RRP12: variants seen among roughly 807,000 people sequenced by gnomAD.
RRP12 encodes ribosomal RNA processing 12 homolog.
In RRP12, 78 loss-of-function variants were observed where a neutral mutation model predicts 157.3. The ratio of observed to expected loss-of-function variants is 0.50; its 90% CI spans 0.41 to 0.60. The LOEUF is 0.60. RRP12 is among the 20% of genes least tolerant of loss of function. The pLI, the probability that RRP12 is intolerant of heterozygous loss-of-function variation, is 0.00. For synonymous variants in RRP12, 726 were observed against 670.9 expected (o/e 1.08, Z -1.27); for missense variants, 1,521 against 1,679.9 (o/e 0.91, Z 1.65).
At chr10:97,372,673 C>T (rs1453813316) in intron 19 of RRP12, 63 bp downstream of exon 19, 63 of 1,311,570 alleles carry the variant, frequency 4.8e-5, no homozygotes, top group Non-Finnish European at 6.4e-5. Context: ...AGTGCTTCTG[C>T]CAGATGCACC....
rs373627760 is a variant in RRP12 at position 97,388,464 on chromosome 10, C to A, written c.889+25G>T. On this transcript the variant is annotated intron_variant, in intron 7 of 33. Coordinates refer to ENST00000370992, the MANE Select transcript of RRP12 (RefSeq NM_015179.4). ...TCTGCCAGCCACTGCCTCCCATCCA[C>A]CTGCCCTCCATTTGGGTTCCCCACC... is the stretch of plus-strand genomic sequence containing the variant. 5.0e-6 allele frequency: 8 copies of A among 1,613,658 alleles called. No individual in the cohort carries two copies. The Admixed American group carries it at 1.3e-4, about 27-fold the overall frequency.
intron 30 of RRP12, among the ~76,000 whole-genome samples, chr10:97,362,703 G>C (rs1843876321): frequency 6.6e-6 from 1 of 152,216 alleles, no homozygotes; most frequent in Non-Finnish European, 1.5e-5. Context: ...GGGCATCCCA[G>C]AGGGGCTTCC....
intron 8 of RRP12, 111 bp downstream of exon 8, chr10:97,388,141 G>A (rs1230133216): frequency 7.7e-6 from 11 of 1,436,316 alleles, no homozygotes; most frequent in Non-Finnish European, 1.1e-5. Context: ...TTTAGCTTAA[G>A]AACACAGTCA....
At chr10:97,378,491 A>G (rs1274926145) in intron 15 of RRP12, among the ~76,000 whole-genome samples, 2 of 152,324 alleles carry the variant, frequency 1.3e-5, no homozygotes, top group East Asian at 3.9e-4. Flanking sequence ...TTATCATCTT[A>G]TGAGACCACC....
chr10:97,389,370 G>C (rs1844736759), intron 6 of RRP12, among the ~76,000 whole-genome samples: 1 of 152,084 alleles, frequency 6.6e-6, no homozygotes, highest in Admixed American at 6.6e-5. Flanking sequence ...TGGGATTACA[G>C]CCGTGAGCCA....
At position 97,379,268 on chromosome 10, in the gene RRP12, A is replaced by C. The variant is rs112682990; in HGVS notation, c.1798+25T>G. ...CCAGGACTGTGGGGAGCCTCAGGTCACACACAGGCAAGGGTCTCTCCTACC... is the reference window on the plus strand; with the variant it reads ...CCAGGACTGTGGGGAGCCTCAGGTCCCACACAGGCAAGGGTCTCTCCTACC... On this transcript the variant is annotated intron_variant, in intron 15 of 33. Transcript: ENST00000370992. 79 of 1,612,706 alleles carry C rather than the reference A, an allele frequency of 4.9e-5. No homozygotes were observed. The Middle Eastern group carries it at 5.0e-4, about 10-fold the overall frequency.
chr10:97,385,352 G>A, intron 9 of RRP12, 95 bp from the exon 10 acceptor site: 2 of 973,934 alleles, frequency 2.1e-6, no homozygotes, highest in Non-Finnish European at 3.2e-6. Context: ...CAATGTCCTG[G>A]GGACAGTGCT....
At position 97,400,467 on chromosome 10, in the gene RRP12, C is replaced by G; in HGVS notation, c.207G>C (p.Leu69Phe). Residue 69 changes from leucine (L) to phenylalanine (F), a missense_variant, in exon 2 of 34, where the codon TTG becomes TTC. By Grantham distance (22) the Leu-to-Phe change is conservative. Coordinates refer to ENST00000370992, the MANE Select transcript of RRP12 (RefSeq NM_015179.4). Reference sequence around the variant, plus strand: ...GCGTCTCCGGGGCTTCGCTTTTGCCCAAGCGCAAGGACCCTGACTGCAGCT... The same window carrying G: ...GCGTCTCCGGGGCTTCGCTTTTGCCGAAGCGCAAGGACCCTGACTGCAGCT... ...HNELQSGSLRLGKSEAPETPM... is the reference protein window; with the variant it reads ...HNELQSGSLRFGKSEAPETPM... 6.2e-7 allele frequency: 1 copy of G among 1,614,132 alleles called. No individual in the cohort carries two copies. The highest frequency in any genetic ancestry group is 1.1e-5 in the South Asian group (1 of 91,082).
chr10:97,368,030 CTTT>C (rs34307529), intron 25 of RRP12, among the ~76,000 whole-genome samples: 1 of 119,194 alleles, frequency 8.4e-6, no homozygotes, highest in Non-Finnish European at 1.7e-5. Flanking sequence ...CTGTGCCTGG[CTTT>C]TTTTTTTTTT....
intron 4 of RRP12, among the ~76,000 whole-genome samples, chr10:97,391,109 C>T (rs562414565): frequency 2.6e-5 from 4 of 152,194 alleles, no homozygotes; most frequent in Admixed American, 6.5e-5. Flanking sequence ...CAGTTCACAT[C>T]TCCAGAAAGC....
chr10:97,389,060 G>C (rs1844722341), intron 6 of RRP12, among the ~76,000 whole-genome samples: 1 of 152,162 alleles, frequency 6.6e-6, no homozygotes, highest in African/African-American at 2.4e-5. Context: ...AGGTTAAAAA[G>C]TACTTTGCAG....
intron 9 of RRP12, 49 bp from the exon 10 acceptor site, chr10:97,385,306 C>T: frequency 2.8e-6 from 4 of 1,412,232 alleles, no homozygotes; most frequent in Admixed American, 1.7e-5. Context: ...TCTGCAATAG[C>T]CCAGTGATGA....
chr10:97,374,676 G>A (rs564463357), intron 15 of RRP12, among the ~76,000 whole-genome samples: 101 of 151,370 alleles, frequency 6.7e-4, no homozygotes, highest in Non-Finnish European at 1.1e-3. Context: ...GGAGGCTGAG[G>A]CAGGAGAATG....
At position 97,366,868 on chromosome 10, in the gene RRP12, CTG is replaced by C. The variant is rs761196870; in HGVS notation, c.3087_3088del (p.His1029GlnfsTer10). The C allele has an allele frequency of 2.5e-6, 4 of 1,614,024 alleles. No homozygotes were observed. Among genetic ancestry groups the C allele is most frequent in the Non-Finnish European group, 3.4e-6 (4 of 1,180,030 alleles). ...AGCTTTCCGGATGTTGACCAGGACT[CTG>C]TGGTACTCCTCGGGCAACAGCCTTT... On this transcript the variant is annotated frameshift_variant, in exon 27 of 34. Coordinates refer to ENST00000370992, the MANE Select transcript of RRP12 (RefSeq NM_015179.4). LOFTEE classifies it high-confidence loss of function.
At chr10:97,374,805 T>C (rs967413909) in intron 15 of RRP12, among the ~76,000 whole-genome samples, 2 of 149,406 alleles carry the variant, frequency 1.3e-5, no homozygotes, top group Admixed American at 6.7e-5. Context: ...GGGAGGAATA[T>C]ACTATATATA....
At chr10:97,383,862 C>T (rs61861861) in intron 10 of RRP12, among the ~76,000 whole-genome samples, 36,767 of 152,082 alleles carry the variant, frequency 0.24, 4,728 homozygotes, top group South Asian at 0.34. Flanking sequence ...CAGGCCTCAA[C>T]CTGGGACGCA....
chr10:97,395,538 T>C (rs1010859319), intron 3 of RRP12, among the ~76,000 whole-genome samples: 8 of 138,622 alleles, frequency 5.8e-5, no homozygotes, highest in African/African-American at 2.2e-4. Flanking sequence ...GGCAACGGAG[T>C]GAGACTCTGT....
chr10:97,382,998 G>T (rs1245195671), intron 10 of RRP12, among the ~76,000 whole-genome samples: 1 of 152,174 alleles, frequency 6.6e-6, no homozygotes, highest in African/African-American at 2.4e-5. Flanking sequence ...CTGGCCTCAA[G>T]TGATCTGCCC....
chr10:97,363,541 GC>G (rs1215918142), intron 30 of RRP12, among the ~76,000 whole-genome samples: 1 of 152,202 alleles, frequency 6.6e-6, no homozygotes. Flanking sequence ...ACACAGCCAT[GC>G]TCCCCTACGG....
Sources: allele counts gnomAD v4.1 joint callset (sites outside exome capture counted in the v4.1 genomes callset), GRCh38; gene constraint gnomAD v4.1.1; transcripts MANE v1.5; gene names NCBI Gene and HGNC (gene_info 2026-07-23, HGNC 2026-07-21).